Variants in CST11 observed in about 807,000 individuals in gnomAD.
CST11 encodes the protein cystatin 11.
A neutral mutation model predicts 14.0 loss-of-function variants in CST11; 13 were observed. The ratio of observed to expected loss-of-function variants is 0.93; its 90% CI spans 0.60 to 1.47. The LOEUF (loss-of-function observed/expected upper bound fraction) is 1.47. Ranked by LOEUF, CST11 falls within the 40% of genes most tolerant of loss-of-function variation. The pLI is 0.00. For missense variants in CST11, 181 were observed against 160.0 expected, an observed-to-expected ratio of 1.13 and a Z score of -0.71; for synonymous variants, 64 against 57.8, an observed-to-expected ratio of 1.11 and a Z score of -0.48.
At position 23,452,712 on chromosome 20, in the gene CST11, C is replaced by A. The variant is rs144406731; in HGVS notation, c.100G>T (p.Val34Phe). 3.7e-6 allele frequency: 6 copies of A among 1,613,970 alleles called. No homozygotes were observed. In the African/African-American group the frequency reaches 6.7e-5, roughly 18 times the overall value. Residue 34 changes from valine (V) to phenylalanine (F), a missense_variant, in exon 1 of 3, where the codon GTC becomes TTC. Physicochemically the swap from Val to Phe is conservative, Grantham distance 50. Coordinates refer to ENST00000377009, the MANE Select transcript of CST11 (RefSeq NM_130794.2). The part of the protein sequence containing the change: ...YQARKKTFLS[V>F]HEVMAVENYA... ...TTTTCTACTGCCATCACTTCATGGA[C>A]GCTTAGAAAGGTTTTCTTCCTTGCT...
chr20:23,452,341 G>A (rs1987116900), intron 1 of CST11, among the ~76,000 whole-genome samples: 1 of 152,222 alleles, frequency 6.6e-6, no homozygotes, highest in Non-Finnish European at 1.5e-5. Flanking sequence ...ACAAGAACAC[G>A]ACTTACAAAA....
Position 23,451,813 on chromosome 20 carries a change from T to A in CST11, c.333+3A>T. ...TCTACGTTAAAGTGCTTTTACCCAA[T>A]ACCTTGTGAAGCTCCCTTTCCTGGG... On this transcript the variant is annotated splice_donor_region_variant and intron_variant, in intron 2 of 2. Transcript: ENST00000377009. 2 of 1,611,358 alleles carry A rather than the reference T, an allele frequency of 1.2e-6. No homozygotes were observed. Among genetic ancestry groups the A allele is most frequent in the South Asian group, 2.2e-5 (2 of 90,958 alleles).
rs1396380878 is a variant in CST11, at chr20:23,450,588, T to C, written c.335A>G (p.Gln112Arg). 1 of 1,602,720 alleles carries C rather than the reference T, an allele frequency of 6.2e-7. No homozygotes were observed. The highest frequency in any genetic ancestry group is 8.5e-7 in the Non-Finnish European group (1 of 1,171,864). The change falls in exon 3 of 3, where the codon CAA becomes CGA. Residue 112 changes from glutamine (Q) to arginine (R), a missense_variant and splice_region_variant. Gln to Arg is a conservative substitution (Grantham distance 43). Coordinates refer to ENST00000377009, the MANE Select transcript of CST11 (RefSeq NM_130794.2). ...AAACACTGAGAAGAAGCAGTTGACTTGCTAAAACAAAAAACAAAGGCAATA... is the reference window on the plus strand; with the variant it reads ...AAACACTGAGAAGAAGCAGTTGACTCGCTAAAACAAAAAACAAAGGCAATA... ...CVPQERELHK[Q>R]VNCFFSVFAV...
At position 23,451,865 on chromosome 20, in the gene CST11, T is replaced by A; in HGVS notation, c.284A>T (p.Gln95Leu). Residue 95 changes from glutamine (Q) to leucine (L), a missense_variant, in exon 2 of 3, where the codon CAA becomes CTA. Gln to Leu is a moderately radical substitution (Grantham distance 113). Transcript: ENST00000377009. ...GACACAGTTCGTGGTCTCTGGCTTT[T>A]GGCAGGTGGTCCACTGCATTTCCAC... The part of the protein sequence containing the change: ...LNVEMQWTTC[Q>L]KPETTNCVPQ... 1 of 1,614,142 alleles carries A rather than the reference T, an allele frequency of 6.2e-7. No individual in the cohort carries two copies. The highest frequency in any genetic ancestry group is 2.2e-5 in the East Asian group (1 of 44,874).
At position 23,452,723 on chromosome 20, in the gene CST11, G is replaced by GT. The variant is rs1987134531; in HGVS notation, c.88dup (p.Thr30AsnfsTer7). ...CATCACTTCATGGACGCTTAGAAAG[G>GT]TTTTCTTCCTTGCTTGGTAGGGGAG... is the stretch of plus-strand genomic sequence containing the variant. On this transcript the variant is annotated frameshift_variant, in exon 1 of 3. Transcript: ENST00000377009. LOFTEE classifies it high-confidence loss of function. The GT allele has an allele frequency of 6.2e-7, 1 of 1,614,060 alleles. No individual in the cohort carries two copies.
At chr20:23,450,657 A>G in intron 2 of CST11, 68 bp from the exon 3 acceptor site, 1 of 1,208,482 alleles carries the variant, frequency 8.3e-7, no homozygotes, top group Non-Finnish European at 1.2e-6. Context: ...AAGGAAGAGG[A>G]TGTAAGACAC....
At chr20:23,451,534 G>A (rs775303103) in intron 2 of CST11, among the ~76,000 whole-genome samples, 50 of 152,168 alleles carry the variant, frequency 3.3e-4, no homozygotes, top group Admixed American at 3.3e-4. Flanking sequence ...ATTAGGAATT[G>A]TCTGCTTCCC....
chr20:23,452,866 C>T lies in CST11; in HGVS notation c.-55G>A. ...TTCTCTGTACTCCTCAGGGACAAGT[C>T]GAATCACACTGACCCTACCTGCCCT... On this transcript the variant is annotated 5_prime_UTR_variant, in exon 1 of 3. Coordinates refer to ENST00000377009, the MANE Select transcript of CST11 (RefSeq NM_130794.2). 20 of 1,392,806 alleles carry T rather than the reference C, an allele frequency of 1.4e-5. No individual in the cohort carries two copies. The highest frequency in any genetic ancestry group is 4.3e-5 in the African/African-American group (3 of 70,350). 86.3% of individuals were successfully genotyped at this position (1,392,806 alleles called of 1,614,324 possible).
In CST11 at chr20:23,452,613, T is replaced by C. The variant is rs201830326; in HGVS notation, c.199A>G (p.Ile67Val). The change falls in exon 1 of 3, where the codon ATC (isoleucine) becomes GTC (valine). Residue 67 changes from isoleucine (I) to valine (V), a missense_variant. Ile to Val is a conservative substitution (Grantham distance 29). Transcript: ENST00000377009. Reference protein sequence around the residue: ...KESDDKYHFRIFRVLKVQRQV... With the variant: ...KESDDKYHFRVFRVLKVQRQV... ...CTCTGGACTTTAAGGACTCGGAAGA[T>C]CCTGAAGTGGTACTTGTCATCACTT... is the stretch of plus-strand genomic sequence containing the variant. The C allele has an allele frequency of 1.7e-4, 271 of 1,613,504 alleles. 2 individuals are homozygous for C. In the East Asian group the frequency reaches 5.9e-3, roughly 35 times the overall value.
intron 2 of CST11, among the ~76,000 whole-genome samples, chr20:23,451,355 C>A (rs1987083344): frequency 6.6e-6 from 1 of 152,190 alleles, no homozygotes; most frequent in Non-Finnish European, 1.5e-5. Flanking sequence ...CCTCACCCAC[C>A]AGTCAAATCA....
At position 23,452,606 on chromosome 20, in the gene CST11, C is replaced by T. The variant is rs140128807; in HGVS notation, c.206G>A (p.Arg69Gln). 19 of 1,612,928 alleles carry T rather than the reference C, an allele frequency of 1.2e-5. No homozygotes were observed. In the Middle Eastern group the frequency reaches 4.9e-4, roughly 42 times the overall value. The change falls in exon 1 of 3, where the codon CGA (arginine) becomes CAA (glutamine). Residue 69 changes from arginine to glutamine, a missense_variant. Coordinates refer to ENST00000377009, the MANE Select transcript of CST11 (RefSeq NM_130794.2). ...CACCTGCCTCTGGACTTTAAGGACT[C>T]GGAAGATCCTGAAGTGGTACTTGTC... ...SDDKYHFRIF[R>Q]VLKVQRQVTD...
rs1473407992 is a variant in CST11, at chr20:23,452,761, C to T, written c.51G>A (p.Leu17=). The T allele has an allele frequency of 6.2e-7, 1 of 1,614,130 alleles. No homozygotes were observed. The highest frequency in any genetic ancestry group is 1.7e-5 in the Admixed American group (1 of 60,020). ...CTTGGTAGGGGAGGGCCATCAGAGTCAATAGAATGGCCAACAGGAGCTGTA... is the reference window on the plus strand; with the variant it reads ...CTTGGTAGGGGAGGGCCATCAGAGTTAATAGAATGGCCAACAGGAGCTGTA... The part of the protein sequence containing the change: ...QALQLLLAIL[L]TLMALPYQAR... Residue 17 remains leucine, a synonymous_variant, in exon 1 of 3, where the codon TTG becomes TTA. Transcript: ENST00000377009.
chr20:23,450,841 G>A (rs1176970946), intron 2 of CST11, among the ~76,000 whole-genome samples: 2 of 152,110 alleles, frequency 1.3e-5, no homozygotes, highest in African/African-American at 4.8e-5. Context: ...ATTCACCATG[G>A]GTACTGCTGA....
rs181473891 is a variant in CST11, at chr20:23,452,230, C to T, written c.229-310G>A. On this transcript the variant is annotated intron_variant, in intron 1 of 2. Transcript: ENST00000377009. ...AAAGGGCTACATAGTAAACATCTTA[C>T]GTTTTATTGGCCATGTGGTCTCTGT... 1.2e-4 allele frequency among the ~76,000 whole-genome samples: 19 copies of T among 152,264 alleles called. No individual in the cohort carries two copies. The East Asian group carries it at 2.3e-3, about 19-fold the overall frequency.
Position 23,451,819 on chromosome 20 carries a change from G to T in CST11, c.330C>A (p.His110Gln), listed in dbSNP as rs545515085. ...TNCVPQERELHKQVNCFFSVF... is the reference protein window; with the variant it reads ...TNCVPQERELQKQVNCFFSVF... ...TTAAAGTGCTTTTACCCAATACCTT[G>T]TGAAGCTCCCTTTCCTGGGGGACAC... is the stretch of plus-strand genomic sequence containing the variant. Residue 110 changes from histidine (H) to glutamine (Q), a missense_variant, in exon 2 of 3, where the codon CAC (histidine) becomes CAA (glutamine). Physicochemically the swap from His to Gln is conservative, Grantham distance 24. Coordinates refer to ENST00000377009, the MANE Select transcript of CST11 (RefSeq NM_130794.2). The T allele has an allele frequency of 4.6e-4, 749 of 1,613,004 alleles. 5 individuals are homozygous for T. In the South Asian group the frequency reaches 7.6e-3, roughly 16 times the overall value.
chr20:23,452,770 G>C lies in CST11; in HGVS notation c.42C>G (p.Ala14=). 1 of 1,614,136 alleles carries C rather than the reference G, an allele frequency of 6.2e-7. No homozygotes were observed. Among genetic ancestry groups the C allele is most frequent in the Non-Finnish European group, 8.5e-7 (1 of 1,180,022 alleles). ...EPWQALQLLL[A]ILLTLMALPY... ...GGAGGGCCATCAGAGTCAATAGAAT[G>C]GCCAACAGGAGCTGTAGGGCCTGCC... Residue 14 remains alanine (A), a synonymous_variant, in exon 1 of 3, where the codon GCC becomes GCG. Transcript: ENST00000377009.
At chr20:23,450,962 A>G (rs1987070507) in intron 2 of CST11, among the ~76,000 whole-genome samples, 1 of 151,466 alleles carries the variant, frequency 6.6e-6, no homozygotes, top group Non-Finnish European at 1.5e-5. Flanking sequence ...CCATCTATTT[A>G]TCCCTCCATT....
chr20:23,451,855 C>A lies in CST11; in HGVS notation c.294G>T (p.Glu98Asp). Reference sequence around the variant, plus strand: ...TTTCCTGGGGGACACAGTTCGTGGTCTCTGGCTTTTGGCAGGTGGTCCACT... The same window carrying A: ...TTTCCTGGGGGACACAGTTCGTGGTATCTGGCTTTTGGCAGGTGGTCCACT... The part of the protein sequence containing the change: ...EMQWTTCQKP[E>D]TTNCVPQERE... The change falls in exon 2 of 3, where the codon GAG becomes GAT. Residue 98 changes from glutamate to aspartate, a missense_variant. Coordinates refer to ENST00000377009, the MANE Select transcript of CST11 (RefSeq NM_130794.2). 1.9e-6 allele frequency: 3 copies of A among 1,614,122 alleles called. No homozygotes were observed. Among genetic ancestry groups the A allele is most frequent in the Non-Finnish European group, 2.5e-6 (3 of 1,179,986 alleles).
intron 1 of CST11, 81 bp downstream of exon 1, chr20:23,452,503 G>T: frequency 1.2e-6 from 1 of 860,746 alleles, no homozygotes; most frequent in South Asian, 1.4e-5. Flanking sequence ...AATTTCCCTT[G>T]AGTGGGACTA....
Sources: allele counts gnomAD v4.1 joint callset (sites outside exome capture counted in the v4.1 genomes callset), GRCh38; gene constraint gnomAD v4.1.1; transcripts MANE v1.5; gene names NCBI Gene and HGNC (gene_info 2026-07-23, HGNC 2026-07-21).